CDH8: variants seen among roughly 807,000 people sequenced by gnomAD.
CDH8 encodes the protein cadherin 8, also known as cadherin-8.
CDH8 carries 17 observed loss-of-function variants against 68.1 expected under a neutral mutation model. The ratio of observed to expected loss-of-function variants is 0.25; its 90% CI spans 0.17 to 0.37. The LOEUF (loss-of-function observed/expected upper bound fraction) is 0.37, where lower values mean the gene tolerates loss of function less well. Ranked by LOEUF, CDH8 falls within the 10% of genes least tolerant of loss-of-function variation. The pLI, the probability that CDH8 is intolerant of heterozygous loss-of-function variation, is 1.00. For missense variants in CDH8, 763 were observed against 999.3 expected, an observed-to-expected ratio of 0.76 and a Z score of 3.19; for synonymous variants, 372 against 365.1, an observed-to-expected ratio of 1.02 and a Z score of -0.21.
At chr16:61,955,982 C>T (rs1371122389) in intron 2 of CDH8, among the ~76,000 whole-genome samples, 7 of 152,092 alleles carry the variant, frequency 4.6e-5, no homozygotes, top group Non-Finnish European at 1.0e-4. Context: ...TTCTTTATTA[C>T]AATAATTCAA....
chr16:61,736,108 A>AAGGAAGGAAGG (rs1567446448), intron 8 of CDH8, among the ~76,000 whole-genome samples: 35 of 64,816 alleles, frequency 5.4e-4, no homozygotes, highest in African/African-American at 2.0e-3. Flanking sequence ...GGAAAGAAAG[A>AAGGAAGGAAGG]AAGAAAGGAA....
intron 2 of CDH8, among the ~76,000 whole-genome samples, chr16:61,953,209 C>T (rs537181510): frequency 6.6e-6 from 1 of 152,248 alleles, no homozygotes; most frequent in South Asian, 2.1e-4. Context: ...ACTTCCCAGG[C>T]AGCCTGAACT....
chr16:61,947,269 A>G (rs1964816847), intron 2 of CDH8, among the ~76,000 whole-genome samples: 2 of 152,242 alleles, frequency 1.3e-5, no homozygotes, highest in African/African-American at 2.4e-5. Flanking sequence ...CTGCAAGGCA[A>G]TAAAATATTT....
chr16:62,018,260 A>G (rs1901990277), intron 2 of CDH8, among the ~76,000 whole-genome samples: 1 of 152,276 alleles, frequency 6.6e-6, no homozygotes, highest in Admixed American at 6.5e-5. Flanking sequence ...TGGATGCTGT[A>G]AGGTTATATG....
Position 61,788,091 on chromosome 16 carries a change from A to T in CDH8, c.1414+1255T>A, listed in dbSNP as rs186555178. On this transcript the variant is annotated intron_variant, in intron 8 of 11. Transcript: ENST00000577390. ...TACCCTAAAACTTAAAGTATAATAA[A>T]AAAAAAAAAAAGAAACAAACATTCT... Among the ~76,000 whole-genome samples the T allele has an allele frequency of 2.0e-3, 304 of 151,076 alleles. 6 individuals are homozygous for T. The East Asian group carries it at 0.022, about 11-fold the overall frequency.
intron 1 of CDH8, among the ~76,000 whole-genome samples, chr16:62,031,270 A>C (rs1040033669): frequency 1.3e-5 from 2 of 152,190 alleles, no homozygotes; most frequent in African/African-American, 4.8e-5. Flanking sequence ...GTGGAACATG[A>C]GTAAGATTGA....
At position 61,647,526 on chromosome 16, in the gene CDH8, G is replaced by A. The variant is rs1475460830; in HGVS notation, c.*6082C>T. The A allele has an allele frequency of 2.5e-6, 1 of 392,268 alleles. No individual in the cohort carries two copies. Among genetic ancestry groups the A allele is most frequent in the African/African-American group, 2.1e-5 (1 of 47,760 alleles). The allele number at this position is 392,268 out of a possible 1,614,324, so 24.3% of individuals were successfully genotyped here. ...TCATGTTCCATCTTAGAGCATAATTGTTAAAATCTTCCTCTTATTTGTGAG... is the reference window on the plus strand; with the variant it reads ...TCATGTTCCATCTTAGAGCATAATTATTAAAATCTTCCTCTTATTTGTGAG... On this transcript the variant is annotated 3_prime_UTR_variant, in exon 12 of 12. Coordinates refer to ENST00000577390, the MANE Select transcript of CDH8 (RefSeq NM_001796.5).
chr16:61,792,046 A>T (rs886095378), intron 7 of CDH8, among the ~76,000 whole-genome samples: 1 of 151,984 alleles, frequency 6.6e-6, no homozygotes, highest in Non-Finnish European at 1.5e-5. Context: ...CCATTAAATG[A>T]TATATTAATA....
intron 3 of CDH8, among the ~76,000 whole-genome samples, chr16:61,878,200 G>C (rs908524856): frequency 6.6e-6 from 1 of 152,184 alleles, no homozygotes; most frequent in African/African-American, 2.4e-5. Context: ...ATGGCCAAGA[G>C]GTACCTTGTG....
rs1960208835 is a variant in CDH8 at position 61,752,995 on chromosome 16, A to C, written c.1415-25780T>G. On this transcript the variant is annotated intron_variant, in intron 8 of 11. Transcript: ENST00000577390. Reference sequence around the variant, plus strand: ...AAGTAGTATGTGGAAGTGCAGAGATACGACAAGATATTTAAGGCAACAACC... The same window carrying C: ...AAGTAGTATGTGGAAGTGCAGAGATCCGACAAGATATTTAAGGCAACAACC... Among the ~76,000 whole-genome samples the C allele has an allele frequency of 2.0e-5, 3 of 152,216 alleles. No homozygotes were observed. The South Asian group carries it at 6.2e-4, about 31-fold the overall frequency.
chr16:61,850,165 C>G (rs897406017), intron 4 of CDH8, among the ~76,000 whole-genome samples: 2 of 152,108 alleles, frequency 1.3e-5, no homozygotes, highest in Non-Finnish European at 1.5e-5. Context: ...ATCTGCCCGG[C>G]TTTTGGTGAG....
intron 4 of CDH8, among the ~76,000 whole-genome samples, chr16:61,855,514 T>C (rs1963026116): frequency 6.6e-6 from 1 of 152,152 alleles, no homozygotes; most frequent in African/African-American, 2.4e-5. Context: ...TTTCTCCCTA[T>C]ATTTAATCCA....
chr16:61,721,273 A>T (rs1290905728), intron 9 of CDH8, among the ~76,000 whole-genome samples: 1 of 150,962 alleles, frequency 6.6e-6, no homozygotes, highest in Non-Finnish European at 1.5e-5. Flanking sequence ...ACCCAAAATA[A>T]AGTGAAAGTA....
intron 1 of CDH8, among the ~76,000 whole-genome samples, chr16:62,031,637 A>G (rs1902327558): frequency 1.3e-5 from 2 of 150,772 alleles, no homozygotes; most frequent in Admixed American, 6.6e-5. Flanking sequence ...ACATCTATAT[A>G]CTTCTACCTA....
chr16:61,681,188 T>C (rs1200279212), intron 10 of CDH8, among the ~76,000 whole-genome samples: 3 of 151,872 alleles, frequency 2.0e-5, no homozygotes, highest in Non-Finnish European at 2.9e-5. Context: ...CTATGCAAGA[T>C]AAATGAAAAT....
Position 61,674,207 on chromosome 16 carries a change from C to T in CDH8, c.1655-18486G>A, listed in dbSNP as rs532607446. On this transcript the variant is annotated intron_variant, in intron 10 of 11. Coordinates refer to ENST00000577390, the MANE Select transcript of CDH8 (RefSeq NM_001796.5). ...CCTAAACCTGTTGTTAAAAATAAGC[C>T]TCTTTGGGAGGCCAAGGCGGGCATA... is the stretch of plus-strand genomic sequence containing the variant. 2.0e-5 allele frequency among the ~76,000 whole-genome samples: 3 copies of T among 152,134 alleles called. No homozygotes were observed. In the South Asian group the frequency reaches 6.2e-4, roughly 32 times the overall value.
rs1963246600 is a variant in CDH8, at chr16:61,648,233, TA to T, written c.*5374del. 3.1e-5 allele frequency: 5 copies of T among 163,844 alleles called. No homozygotes were observed. The South Asian group carries it at 8.5e-4, about 28-fold the overall frequency. 10.1% of individuals were successfully genotyped at this position (163,844 alleles called of 1,614,324 possible). ...TTCTGAACTTCATTTTTCCTATCCATAAAACACTACAATTTGGCAAACCTAG... is the reference window on the plus strand; with the variant it reads ...TTCTGAACTTCATTTTTCCTATCCATAAACACTACAATTTGGCAAACCTAG... On this transcript the variant is annotated 3_prime_UTR_variant, in exon 12 of 12. Transcript: ENST00000577390.
At chr16:61,989,344 C>T (rs1235641111) in intron 2 of CDH8, among the ~76,000 whole-genome samples, 1 of 152,180 alleles carries the variant, frequency 6.6e-6, no homozygotes, top group Non-Finnish European at 1.5e-5. Flanking sequence ...AGTTTTCCCA[C>T]ACATGGAGAC....
At chr16:62,034,433 C>T (rs926238293) in intron 1 of CDH8, among the ~76,000 whole-genome samples, 1 of 152,042 alleles carries the variant, frequency 6.6e-6, no homozygotes, top group Non-Finnish European at 1.5e-5. Flanking sequence ...TATAATAAAG[C>T]CTGAGGTGAC....
Sources: allele counts gnomAD v4.1 joint callset (sites outside exome capture counted in the v4.1 genomes callset), GRCh38; gene constraint gnomAD v4.1.1; transcripts MANE v1.5; gene names NCBI Gene and HGNC (gene_info 2026-07-23, HGNC 2026-07-21).